The following OGG1 variants were observed in gnomAD, a reference collection of about 807,000 sequenced individuals.
The protein encoded by OGG1 is N-glycosylase/DNA lyase.
In OGG1, 35 loss-of-function variants were observed where a neutral mutation model predicts 42.3. The ratio of observed to expected loss-of-function variants is 0.83; its 90% CI spans 0.63 to 1.10. The LOEUF (loss-of-function observed/expected upper bound fraction) is 1.10, where lower values mean the gene tolerates loss of function less well. Among genes scored for constraint, OGG1 ranks in the 50% least tolerant of loss-of-function variants. The probability of loss-of-function intolerance (pLI) is 0.00; values close to 1 mark genes in which losing one functional copy is unlikely to be tolerated. For synonymous variants in OGG1, 189 were observed against 179.0 expected, an observed-to-expected ratio of 1.06 and a Z score of -0.44; for missense variants, 484 against 446.7, an observed-to-expected ratio of 1.08 and a Z score of -0.75.
downstream of OGG1, chr3:9,759,047 C>T: frequency 1.3e-6 from 1 of 767,338 alleles, no homozygotes; most frequent in Non-Finnish European, 2.3e-6. Flanking sequence ...GGCCTGGCCC[C>T]TTACCTGCTT....
downstream of OGG1, among the ~76,000 whole-genome samples, chr3:9,769,393 C>G (rs567078064): frequency 6.6e-6 from 1 of 152,244 alleles, no homozygotes; most frequent in Admixed American, 6.5e-5. Context: ...TTGTACACCC[C>G]CTCCTAACTC....
chr3:9,787,665 G>T, intron 3 of OGG1: 1 of 1,375,380 alleles, frequency 7.3e-7, no homozygotes, highest in South Asian at 1.2e-5. Flanking sequence ...CAGGTCACGG[G>T]TGACAGGGAA....
At chr3:9,759,356 G>C, downstream of OGG1, 2 of 1,538,394 alleles carry the variant, frequency 1.3e-6, no homozygotes, top group East Asian at 2.2e-5. Context: ...AATGAATGAA[G>C]TCCTTCAGTA....
chr3:9,766,048 C>T, exon 8 of OGG1: 2 of 1,599,750 alleles, frequency 1.3e-6, no homozygotes, highest in Middle Eastern at 1.7e-4. Context: ...GAGATGGTCA[C>T]ATGACCCAGG....
intron 4 of OGG1, 65 bp downstream of exon 4, chr3:9,754,950 C>G (rs2077471205): frequency 7.0e-7 from 1 of 1,423,424 alleles, no homozygotes; most frequent in Admixed American, 2.0e-5. Flanking sequence ...GGAAATGAGC[C>G]AAGCCTGGGA....
intron 3 of OGG1, chr3:9,786,935 C>T (rs544516948): frequency 1.0e-4 from 143 of 1,388,446 alleles, no homozygotes; most frequent in Non-Finnish European, 1.3e-4. Context: ...TGATAAATTC[C>T]GATAAAAAAT....
intron 4 of OGG1, among the ~76,000 whole-genome samples, 153 bp downstream of exon 4, chr3:9,755,038 G>A (rs938413899): frequency 1.3e-5 from 2 of 152,196 alleles, no homozygotes; most frequent in Non-Finnish European, 2.9e-5. Flanking sequence ...AGAGAAAAAA[G>A]CAGAGTGCAG....
chr3:9,772,010 G>T (rs2078308503), intron 2 of OGG1, among the ~76,000 whole-genome samples: 1 of 151,548 alleles, frequency 6.6e-6, no homozygotes, highest in Non-Finnish European at 1.5e-5. Context: ...AGAGATGGGG[G>T]TTTCACCATG....
intron 3 of OGG1, among the ~76,000 whole-genome samples, chr3:9,786,292 G>A (rs2078608931): frequency 6.6e-6 from 1 of 152,144 alleles, no homozygotes; most frequent in African/African-American, 2.4e-5. Flanking sequence ...GAGTGACCTT[G>A]TGCAGACTGC....
At chr3:9,781,282 AAT>A (rs145898207) in intron 2 of OGG1, among the ~76,000 whole-genome samples, 1 of 150,816 alleles carries the variant, frequency 6.6e-6, no homozygotes, top group Admixed American at 6.6e-5. Flanking sequence ...CTGTCTCTAA[AAT>A]ATATATATAT....
Position 9,763,362 on chromosome 3 carries a change from C to T in OGG1, c.1049-2447C>T, listed in dbSNP as rs1205490156. 6.4e-6 allele frequency: 5 copies of T among 784,614 alleles called. No homozygotes were observed. In the African/African-American group the frequency reaches 8.7e-5, roughly 14 times the overall value. The allele number at this position is 784,614 out of a possible 1,614,324, so 48.6% of individuals were successfully genotyped here. On this transcript the variant is annotated intron_variant, in intron 7 of 7. Transcript: ENST00000302008. ...CTGTTATGATTGCACCTGTGACTAG[C>T]CACTGCACTCCAGCCTGGGCAACAG...
intron 2 of OGG1, among the ~76,000 whole-genome samples, chr3:9,775,226 A>G (rs1024130231): frequency 2.6e-5 from 4 of 152,048 alleles, no homozygotes; most frequent in African/African-American, 9.7e-5. Context: ...GCAACAGAGC[A>G]AGACCCTGTC....
intron 3 of OGG1, among the ~76,000 whole-genome samples, chr3:9,753,479 C>T (rs538168487): frequency 3.4e-4 from 51 of 151,966 alleles, no homozygotes; most frequent in Admixed American, 9.8e-4. Context: ...GGTGAAACCC[C>T]GTCTCTACTA....
chr3:9,769,650 C>G (rs2125601818), downstream of OGG1, among the ~76,000 whole-genome samples: 1 of 152,332 alleles, frequency 6.6e-6, no homozygotes, highest in South Asian at 2.1e-4. Context: ...TCCCATAGGC[C>G]CGCCTGGCAC....
intron 3 of OGG1, among the ~76,000 whole-genome samples, chr3:9,753,314 A>G (rs2077388280): frequency 6.8e-6 from 1 of 148,098 alleles, no homozygotes; most frequent in South Asian, 2.1e-4. Context: ...ATTGCACTCC[A>G]GCCTGGGCGA....
chr3:9,784,681 A>G (rs960423192), intron 3 of OGG1, among the ~76,000 whole-genome samples: 15 of 152,022 alleles, frequency 9.9e-5, no homozygotes, highest in Non-Finnish European at 1.9e-4. Context: ...CCCGGCCAAG[A>G]TGGTGAAACC....
downstream of OGG1, chr3:9,759,098 C>T: frequency 9.2e-7 from 1 of 1,085,082 alleles, no homozygotes. Context: ...CTCAGCCCCT[C>T]CAGTCTGGCC....
downstream of OGG1, chr3:9,758,076 CAT>C (rs3219017): frequency 2.5e-3 from 1,405 of 551,370 alleles, 15 homozygotes; most frequent in African/African-American, 0.024. Flanking sequence ...TAAATAGAAA[CAT>C]AACTATAATT....
downstream of OGG1, among the ~76,000 whole-genome samples, chr3:9,768,206 C>G (rs557569718): frequency 6.6e-6 from 1 of 152,314 alleles, no homozygotes; most frequent in South Asian, 2.1e-4. Flanking sequence ...TGTCTCCTTT[C>G]CCTCCTCCTT....
Sources: gnomAD v4.1 joint callset for allele counts (sites outside exome capture counted in the v4.1 genomes callset) on GRCh38, gnomAD v4.1.1 for gene constraint, MANE v1.5 for transcripts, NCBI Gene and HGNC (gene_info 2026-07-23, HGNC 2026-07-21) for gene names.